Variants in REC114 observed in about 807,000 individuals in gnomAD.
REC114 encodes meiotic recombination protein REC114.
REC114 carries 27 observed loss-of-function variants against 31.3 expected under a neutral mutation model. The observed-to-expected ratio is 0.86, with a 90% CI of 0.64 to 1.19. The LOEUF (loss-of-function observed/expected upper bound fraction) is 1.19, where lower values mean the gene tolerates loss of function less well. Ranked by LOEUF, REC114 falls within the 50% of genes most tolerant of loss-of-function variation. The pLI is 0.00. For missense variants in REC114, 344 were observed against 326.9 expected (o/e 1.05, Z -0.40); for synonymous variants, 134 against 127.7 (o/e 1.05, Z -0.33).
chr15:73,551,864 A>G (rs1187448162), intron 4 of REC114, among the ~76,000 whole-genome samples: 2 of 152,214 alleles, frequency 1.3e-5, no homozygotes. Context: ...CCAAGTGAAA[A>G]TTAGAATCTT....
intron 2 of REC114, among the ~76,000 whole-genome samples, chr15:73,535,707 T>C (rs376237053): frequency 2.4e-3 from 355 of 145,158 alleles, no homozygotes; most frequent in Admixed American, 5.8e-3. Flanking sequence ...AAAAAGAGCC[T>C]GCATCGCCAA....
chr15:73,537,155 G>GA (rs1894166689), intron 2 of REC114, among the ~76,000 whole-genome samples: 1 of 152,088 alleles, frequency 6.6e-6, no homozygotes, highest in Non-Finnish European at 1.5e-5. Context: ...ATAGTCTAGT[G>GA]AAAAAATAGA....
intron 2 of REC114, 103 bp downstream of exon 2, chr15:73,474,024 A>G: frequency 1.3e-6 from 1 of 743,182 alleles, no homozygotes; most frequent in Non-Finnish European, 2.3e-6. Context: ...ACTGTAATTC[A>G]TCAAGGTCAA....
chr15:73,487,834 T>A (rs576474786), intron 2 of REC114, among the ~76,000 whole-genome samples: 1 of 152,346 alleles, frequency 6.6e-6, no homozygotes, highest in East Asian at 1.9e-4. Flanking sequence ...GGCATTGCCC[T>A]GGTGGGGGCT....
chr15:73,445,725 A>T (rs540264310), intron 1 of REC114, among the ~76,000 whole-genome samples: 1 of 152,242 alleles, frequency 6.6e-6, no homozygotes, highest in South Asian at 2.1e-4. Flanking sequence ...TGGTGGATGG[A>T]GCAGTTGGAA....
chr15:73,523,197 C>T (rs898057492), intron 2 of REC114, among the ~76,000 whole-genome samples: 8 of 151,870 alleles, frequency 5.3e-5, no homozygotes, highest in South Asian at 4.2e-4. Flanking sequence ...AAACTTCAGC[C>T]GAATTAAATT....
chr15:73,517,408 A>G (rs1284935878), intron 2 of REC114, among the ~76,000 whole-genome samples: 7 of 152,210 alleles, frequency 4.6e-5, no homozygotes, highest in African/African-American at 1.7e-4. Flanking sequence ...CCTACTTAGG[A>G]GGCTGTTTTA....
chr15:73,558,383 C>T (rs899568665), intron 5 of REC114, among the ~76,000 whole-genome samples: 5 of 152,180 alleles, frequency 3.3e-5, no homozygotes, highest in African/African-American at 1.2e-4. Flanking sequence ...AGAACTGGAG[C>T]CCATCATCGT....
intron 2 of REC114, among the ~76,000 whole-genome samples, chr15:73,502,942 G>A (rs554987264): frequency 3.9e-5 from 6 of 152,146 alleles, no homozygotes; most frequent in Non-Finnish European, 7.4e-5. Context: ...ATTGATTAGC[G>A]AAATACAGAT....
chr15:73,446,877 T>G (rs1892771267), intron 1 of REC114, among the ~76,000 whole-genome samples: 1 of 152,168 alleles, frequency 6.6e-6, no homozygotes, highest in South Asian at 2.1e-4. Flanking sequence ...GAAAGATCAC[T>G]CTGGCTGTGG....
intron 5 of REC114, among the ~76,000 whole-genome samples, chr15:73,559,193 A>G (rs893326614): frequency 2.6e-5 from 4 of 152,344 alleles, no homozygotes; most frequent in Admixed American, 2.6e-4. Context: ...GGGAAGTGAA[A>G]GAAATGTTCT....
intron 5 of REC114, among the ~76,000 whole-genome samples, chr15:73,557,615 G>T (rs2141339674): frequency 6.6e-6 from 1 of 152,288 alleles, no homozygotes; most frequent in South Asian, 2.1e-4. Flanking sequence ...TTGCATTGGG[G>T]TTAGGGGCTA....
intron 2 of REC114, among the ~76,000 whole-genome samples, chr15:73,477,880 A>G (rs999111996): frequency 6.6e-6 from 1 of 152,182 alleles, no homozygotes; most frequent in Non-Finnish European, 1.5e-5. Context: ...ATTGATAAAA[A>G]TTACTATATT....
rs569883736 is a variant in REC114, at chr15:73,539,201, A to C, written c.250-1284A>C. Among the ~76,000 whole-genome samples, 10 of 151,796 alleles carry C rather than the reference A, an allele frequency of 6.6e-5. No individual in the cohort carries two copies. The East Asian group carries it at 1.7e-3, about 26-fold the overall frequency. ...TCTGAGAGGGTTTTAAGAAGAAATC[A>C]TAAATGGTTTGTCTAACTTCTCTTT... On this transcript the variant is annotated intron_variant, in intron 2 of 5. Transcript: ENST00000331090.
intron 1 of REC114, among the ~76,000 whole-genome samples, chr15:73,463,616 T>A (rs1276583568): frequency 6.6e-6 from 1 of 152,154 alleles, no homozygotes; most frequent in Non-Finnish European, 1.5e-5. Flanking sequence ...AGGTCAAGAA[T>A]TTGAGACCAG....
intron 1 of REC114, among the ~76,000 whole-genome samples, chr15:73,462,128 C>T (rs1892998308): frequency 6.6e-6 from 1 of 151,604 alleles, no homozygotes; most frequent in South Asian, 2.1e-4. Flanking sequence ...GATGGGGTTT[C>T]ACCATCTTGG....
intron 2 of REC114, among the ~76,000 whole-genome samples, chr15:73,525,496 A>G (rs1443363747): frequency 1.3e-5 from 2 of 151,480 alleles, no homozygotes; most frequent in African/African-American, 4.8e-5. Flanking sequence ...TTTGAGTACT[A>G]TTTTCACTAT....
At chr15:73,445,832 G>T (rs2151249158) in intron 1 of REC114, among the ~76,000 whole-genome samples, 1 of 152,200 alleles carries the variant, frequency 6.6e-6, no homozygotes, top group South Asian at 2.1e-4. Flanking sequence ...ACTGATCACA[G>T]ATCACCATCA....
intron 4 of REC114, among the ~76,000 whole-genome samples, chr15:73,553,612 CAATTATCT>C (rs1274274791): frequency 6.6e-6 from 1 of 152,166 alleles, no homozygotes; most frequent in Non-Finnish European, 1.5e-5. Context: ...TCAGGCTACA[CAATTATCT>C]AAGTATTACA....
Sources: gnomAD v4.1 joint callset for allele counts (sites outside exome capture counted in the v4.1 genomes callset) on GRCh38, gnomAD v4.1.1 for gene constraint, MANE v1.5 for transcripts, NCBI Gene and HGNC (gene_info 2026-07-23, HGNC 2026-07-21) for gene names.